METTL16: variants seen among roughly 807,000 people sequenced by gnomAD.
METTL16 encodes methyltransferase 16, RNA N6-adenosine.
Under a neutral mutation model 57.9 loss-of-function variants are expected in METTL16, and 19 were observed. That is an observed-to-expected ratio of 0.33 (90% CI 0.23 to 0.48). METTL16 has a LOEUF of 0.48. Ranked by LOEUF, METTL16 falls within the 20% of genes least tolerant of loss-of-function variation. METTL16 has a pLI of 0.99. For synonymous variants in METTL16, 246 were observed against 255.6 expected, an observed-to-expected ratio of 0.96 and a Z score of 0.36; for missense variants, 434 against 691.5, an observed-to-expected ratio of 0.63 and a Z score of 4.18.
chr17:2,484,950 T>C (rs2067330867), intron 2 of METTL16, among the ~76,000 whole-genome samples: 1 of 152,200 alleles, frequency 6.6e-6, no homozygotes, highest in African/African-American at 2.4e-5. Context: ...GCAAGCCTTA[T>C]ACAATTCACA....
chr17:2,454,841 G>T (rs1057369636), intron 6 of METTL16, among the ~76,000 whole-genome samples: 3 of 152,070 alleles, frequency 2.0e-5, no homozygotes, highest in African/African-American at 7.2e-5. Flanking sequence ...TAGGATTACA[G>T]GAGTGAGCCC....
chr17:2,430,577 G>C (rs1403958817), intron 8 of METTL16, among the ~76,000 whole-genome samples: 1 of 119,680 alleles, frequency 8.4e-6, no homozygotes, highest in East Asian at 6.3e-4. Context: ...CACCACGCCG[G>C]GCTAATTTTT....
intron 4 of METTL16, among the ~76,000 whole-genome samples, chr17:2,471,168 A>C (rs1171131422): frequency 1.3e-5 from 2 of 152,174 alleles, no homozygotes; most frequent in East Asian, 3.9e-4. Flanking sequence ...TGTAAAATGC[A>C]AGACTATAAA....
Position 2,486,133 on chromosome 17 carries a change from T to C in METTL16, c.129-8248A>G, listed in dbSNP as rs532771101. Among the ~76,000 whole-genome samples the C allele has an allele frequency of 5.6e-4, 86 of 152,296 alleles. 2 individuals are homozygous for C. The highest frequency in any genetic ancestry group is 1.7e-3 in the South Asian group (8 of 4,822). On this transcript the variant is annotated intron_variant, in intron 2 of 9. Coordinates refer to ENST00000263092, the MANE Select transcript of METTL16 (RefSeq NM_024086.4). ...CAGAGAGCAAAGTAAGCGTATATAG[T>C]TCAAGGTGAAGCTGGGGAGGAAGGC...
intron 2 of METTL16, among the ~76,000 whole-genome samples, chr17:2,499,365 C>T (rs1159281049): frequency 1.4e-5 from 2 of 140,526 alleles, no homozygotes; most frequent in Non-Finnish European, 3.0e-5. Flanking sequence ...TACAGGATTT[C>T]GCTATGTTGC....
chr17:2,443,704 T>C (rs974256993), intron 6 of METTL16, among the ~76,000 whole-genome samples: 3 of 152,130 alleles, frequency 2.0e-5, no homozygotes, highest in African/African-American at 7.2e-5. Context: ...TTTCACCATG[T>C]TAGCCAGGAT....
chr17:2,443,151 G>C (rs2151551262), intron 6 of METTL16, among the ~76,000 whole-genome samples: 1 of 151,698 alleles, frequency 6.6e-6, no homozygotes, highest in East Asian at 1.9e-4. Flanking sequence ...ACCACACCCG[G>C]CTAATTTTCT....
intron 6 of METTL16, 43 bp downstream of exon 6, chr17:2,464,165 C>T (rs767499432): frequency 6.3e-7 from 1 of 1,581,298 alleles, no homozygotes; most frequent in East Asian, 2.2e-5. Context: ...GTAAATATTC[C>T]TGTGTTGTAA....
intron 8 of METTL16, among the ~76,000 whole-genome samples, chr17:2,430,148 T>C (rs2066861756): frequency 6.6e-6 from 1 of 151,948 alleles, no homozygotes; most frequent in Admixed American, 6.6e-5. Flanking sequence ...AGTCTTGCTC[T>C]GTCACCCAGG....
chr17:2,458,967 C>T (rs1597454193), intron 6 of METTL16, among the ~76,000 whole-genome samples: 1 of 151,960 alleles, frequency 6.6e-6, no homozygotes. Context: ...CCACCACATC[C>T]AGCTAATTTT....
intron 2 of METTL16, among the ~76,000 whole-genome samples, chr17:2,482,824 T>A (rs2067316376): frequency 6.6e-6 from 1 of 152,096 alleles, no homozygotes; most frequent in African/African-American, 2.4e-5. Flanking sequence ...GGCAGGAGGA[T>A]CACTTGAGCC....
chr17:2,461,886 G>A (rs2067152486), intron 6 of METTL16, among the ~76,000 whole-genome samples: 1 of 151,964 alleles, frequency 6.6e-6, no homozygotes, highest in Non-Finnish European at 1.5e-5. Context: ...GCCTTCTCAT[G>A]TCTTTAAGTG....
At chr17:2,491,602 A>T (rs2044169) in intron 2 of METTL16, among the ~76,000 whole-genome samples, 2 of 151,792 alleles carry the variant, frequency 1.3e-5, no homozygotes, top group Non-Finnish European at 2.9e-5. Flanking sequence ...TTGGCCGGGC[A>T]CGGTGGCTCA....
intron 2 of METTL16, among the ~76,000 whole-genome samples, chr17:2,480,198 A>AAG (rs987749873): frequency 1.3e-5 from 2 of 151,788 alleles, no homozygotes; most frequent in African/African-American, 4.8e-5. Context: ...AAAAAAAAAA[A>AAG]AAAAGAAAAG....
chr17:2,468,078 T>C (rs2067214340), intron 4 of METTL16, among the ~76,000 whole-genome samples: 2 of 152,228 alleles, frequency 1.3e-5, no homozygotes, highest in South Asian at 4.1e-4. Context: ...TGGCCTTCAG[T>C]ATTCAATACA....
chr17:2,442,208 A>G (rs1169060102), intron 6 of METTL16, among the ~76,000 whole-genome samples: 1 of 152,246 alleles, frequency 6.6e-6, no homozygotes, highest in Non-Finnish European at 1.5e-5. Context: ...CTTCCACCAT[A>G]AACAACCAGG....
intron 8 of METTL16, among the ~76,000 whole-genome samples, chr17:2,429,197 A>ATT (rs2066851041): frequency 1.8e-4 from 12 of 67,920 alleles, no homozygotes; most frequent in Admixed American, 1.9e-4. Context: ...AAAGAATGAA[A>ATT]CTTTTTTTTT....
intron 1 of METTL16, among the ~76,000 whole-genome samples, chr17:2,505,395 A>ATTTTTTTT (rs564797281): frequency 9.9e-5 from 5 of 50,588 alleles, no homozygotes; most frequent in African/African-American, 3.2e-4. Context: ...GCCCAGAGGC[A>ATTTTTTTT]TTTTTTTTTT....
intron 1 of METTL16, among the ~76,000 whole-genome samples, chr17:2,502,621 G>A (rs1215479748): frequency 6.6e-6 from 1 of 151,994 alleles, no homozygotes; most frequent in Admixed American, 6.6e-5. Context: ...CCAGGAGGTG[G>A]AGGGTGCAGT....
Sources: gnomAD v4.1 joint callset for allele counts (sites outside exome capture counted in the v4.1 genomes callset) on GRCh38, gnomAD v4.1.1 for gene constraint, MANE v1.5 for transcripts, NCBI Gene and HGNC (gene_info 2026-07-23, HGNC 2026-07-21) for gene names.